Variants in LARGE1 observed in about 807,000 individuals in gnomAD.
LARGE1 encodes xylosyl- and glucuronyltransferase LARGE1.
Under a neutral mutation model 87.6 loss-of-function variants are expected in LARGE1, and 43 were observed. The ratio of observed to expected loss-of-function variants is 0.49; its 90% CI spans 0.38 to 0.63. The LOEUF (loss-of-function observed/expected upper bound fraction) is 0.63. Ranked by LOEUF, LARGE1 falls within the 30% of genes least tolerant of loss-of-function variation. The pLI is 0.00. For synonymous variants in LARGE1, 434 were observed against 394.6 expected (o/e 1.10, Z -1.18); for missense variants, 802 against 1,000.2 (o/e 0.80, Z 2.67).
chr22:33,389,847 A>AAACAAACC (rs996781382), intron 7 of LARGE1, among the ~76,000 whole-genome samples: 8 of 140,110 alleles, frequency 5.7e-5, no homozygotes, highest in African/African-American at 2.2e-4. Context: ...TCAGTCTCAA[A>AAACAAACC]AACCAACCAA....
At chr22:33,327,037 G>A (rs916736144) in intron 10 of LARGE1, among the ~76,000 whole-genome samples, 2 of 152,186 alleles carry the variant, frequency 1.3e-5, no homozygotes, top group Non-Finnish European at 2.9e-5. Context: ...TGCCTGCTGC[G>A]TGACTGAAGA....
chr22:33,088,633 A>G, the LARGE1 span, among the ~76,000 whole-genome samples: 20 of 152,170 alleles, frequency 1.3e-4, no homozygotes, highest in Non-Finnish European at 2.5e-4. Context: ...GAGATGTCCC[A>G]CTATTAGCCA....
intron 11 of LARGE1, among the ~76,000 whole-genome samples, chr22:33,264,023 T>C (rs73397575): frequency 0.026 from 3,944 of 152,304 alleles, 114 homozygotes; most frequent in African/African-American, 0.07. Flanking sequence ...TAACTTACCA[T>C]AGAACTTACT....
intron 7 of LARGE1, among the ~76,000 whole-genome samples, chr22:33,413,903 T>C (rs896269665): frequency 2.0e-5 from 3 of 152,222 alleles, no homozygotes; most frequent in Non-Finnish European, 4.4e-5. Flanking sequence ...AATATTCCAT[T>C]GCATGAATAC....
At chr22:33,502,526 T>A (rs989988636) in intron 6 of LARGE1, among the ~76,000 whole-genome samples, 16 of 152,000 alleles carry the variant, frequency 1.1e-4, no homozygotes, top group African/African-American at 3.6e-4. Flanking sequence ...CCAAATATAA[T>A]GTTGTATAGG....
At chr22:33,628,695 C>T (rs1363509983) in intron 3 of LARGE1, among the ~76,000 whole-genome samples, 1 of 152,204 alleles carries the variant, frequency 6.6e-6, no homozygotes, top group East Asian at 1.9e-4. Context: ...CTCCGTCCTT[C>T]AGACCAATAA....
At chr22:33,298,851 A>C (rs1010143567) in intron 12 of LARGE1, among the ~76,000 whole-genome samples, 1 of 151,966 alleles carries the variant, frequency 6.6e-6, no homozygotes, top group Non-Finnish European at 1.5e-5. Flanking sequence ...TAAAGGAAAG[A>C]AAGAAGAAAG....
intron 6 of LARGE1, among the ~76,000 whole-genome samples, chr22:33,543,632 C>T (rs2077273652): frequency 6.6e-6 from 1 of 152,178 alleles, no homozygotes; most frequent in African/African-American, 2.4e-5. Flanking sequence ...CTTAAGGTCG[C>T]AAGTGACAGA....
intron 2 of LARGE1, among the ~76,000 whole-genome samples, chr22:33,659,994 G>T (rs1407461950): frequency 6.6e-6 from 1 of 151,390 alleles, no homozygotes; most frequent in African/African-American, 2.4e-5. Flanking sequence ...CTTGAAGTGT[G>T]TTCTAACGAG....
intron 2 of LARGE1, chr22:33,732,752 G>A (rs2083515867): frequency 6.6e-6 from 1 of 152,212 alleles, no homozygotes; most frequent in Non-Finnish European, 1.5e-5. Flanking sequence ...TCTGCATCCA[G>A]AAGATTGCAG....
intron 1 of LARGE1, among the ~76,000 whole-genome samples, chr22:33,887,507 C>T (rs114369852): frequency 3.3e-5 from 5 of 152,086 alleles, no homozygotes; most frequent in Admixed American, 6.5e-5. Flanking sequence ...GAGACCGAGG[C>T]GGGTGGATAA....
the LARGE1 span, among the ~76,000 whole-genome samples, chr22:33,144,821 C>A: frequency 6.6e-6 from 1 of 152,068 alleles, no homozygotes; most frequent in Non-Finnish European, 1.5e-5. Context: ...ATGGGCAAAG[C>A]AAATGCTCAA....
At chr22:33,742,431 G>C (rs909980197) in intron 2 of LARGE1, among the ~76,000 whole-genome samples, 2 of 152,184 alleles carry the variant, frequency 1.3e-5, no homozygotes, top group Non-Finnish European at 2.9e-5. Context: ...CGTGCACCGA[G>C]CACAATGTGT....
chr22:33,225,659 T>C (rs1318171172), intron 11 of LARGE1, among the ~76,000 whole-genome samples: 1 of 152,174 alleles, frequency 6.6e-6, no homozygotes, highest in Non-Finnish European at 1.5e-5. Flanking sequence ...CAGATCATTT[T>C]ATCACCCAGG....
At chr22:33,911,987 C>T (rs2065651962) in intron 1 of LARGE1, among the ~76,000 whole-genome samples, 2 of 152,236 alleles carry the variant, frequency 1.3e-5, no homozygotes, top group Non-Finnish European at 2.9e-5. Flanking sequence ...CAAAACAAAT[C>T]ATTCAGTGTG....
At chr22:33,681,014 G>A (rs953191640) in intron 2 of LARGE1, among the ~76,000 whole-genome samples, 3 of 151,338 alleles carry the variant, frequency 2.0e-5, no homozygotes, top group Admixed American at 1.3e-4. Context: ...TCTTAATTTC[G>A]CCACTTATTT....
At chr22:33,440,664 A>G (rs1281248735) in intron 6 of LARGE1, among the ~76,000 whole-genome samples, 1 of 152,240 alleles carries the variant, frequency 6.6e-6, no homozygotes, top group Admixed American at 6.5e-5. Flanking sequence ...CCGTTTACTA[A>G]ACCTCCTGAA....
At chr22:33,341,315 C>A (rs1322976125) in intron 9 of LARGE1, among the ~76,000 whole-genome samples, 1 of 151,978 alleles carries the variant, frequency 6.6e-6, no homozygotes, top group Non-Finnish European at 1.5e-5. Context: ...GACTTCCCAG[C>A]CTCCAGAAAC....
chr22:33,775,743 T>C (rs1233108447), intron 1 of LARGE1, among the ~76,000 whole-genome samples: 1 of 151,016 alleles, frequency 6.6e-6, no homozygotes, highest in Non-Finnish European at 1.5e-5. Flanking sequence ...TCCCAGTTAC[T>C]GGGGAGGCTC....
Sources: gnomAD v4.1 joint callset for allele counts (sites outside exome capture counted in the v4.1 genomes callset) on GRCh38, gnomAD v4.1.1 for gene constraint, MANE v1.5 for transcripts, NCBI Gene and HGNC (gene_info 2026-07-23, HGNC 2026-07-21) for gene names.